Variants in GLIS3 observed in about 807,000 individuals in gnomAD.
GLIS3 encodes GLIS family zinc finger 3.
A neutral mutation model predicts 78.6 loss-of-function variants in GLIS3; 53 were observed. The observed-to-expected ratio is 0.67, with a 90% CI of 0.54 to 0.85. The LOEUF is 0.85. Ranked by LOEUF, GLIS3 falls within the 40% of genes least tolerant of loss-of-function variation. The pLI is 0.00. For missense variants in GLIS3, 1,703 were observed against 1,231.1 expected, an observed-to-expected ratio of 1.38 and a Z score of -5.74; for synonymous variants, 684 against 509.9, an observed-to-expected ratio of 1.34 and a Z score of -4.60.
At chr9:4,080,650 T>C (rs1828477158) in intron 4 of GLIS3, among the ~76,000 whole-genome samples, 1 of 152,216 alleles carries the variant, frequency 6.6e-6, no homozygotes, top group Non-Finnish European at 1.5e-5. Flanking sequence ...TATTGAGCTT[T>C]TGGCACCCCC....
intron 4 of GLIS3, among the ~76,000 whole-genome samples, chr9:3,984,163 A>T (rs1301755175): frequency 6.6e-6 from 1 of 152,222 alleles, no homozygotes; most frequent in Non-Finnish European, 1.5e-5. Flanking sequence ...CTCCTAGGGC[A>T]CCACTTAGCA....
chr9:4,484,224 T>C, the GLIS3 span, among the ~76,000 whole-genome samples: 4 of 151,256 alleles, frequency 2.6e-5, no homozygotes, highest in African/African-American at 9.7e-5. Flanking sequence ...TAAGCCAAAC[T>C]AACTTTTTTT....
chr9:4,469,164 T>C, the GLIS3 span, among the ~76,000 whole-genome samples: 1 of 152,178 alleles, frequency 6.6e-6, no homozygotes, highest in Non-Finnish European at 1.5e-5. Context: ...GAAAGAGACT[T>C]AGACTCCTAC....
chr9:4,077,758 A>G (rs1828204536), intron 4 of GLIS3, among the ~76,000 whole-genome samples: 2 of 152,178 alleles, frequency 1.3e-5, no homozygotes, highest in Non-Finnish European at 2.9e-5. Context: ...GCGTCCCTCC[A>G]CTAAAGGTTC....
intron 2 of GLIS3, among the ~76,000 whole-genome samples, chr9:4,256,437 A>G (rs901071138): frequency 6.6e-6 from 1 of 152,226 alleles, no homozygotes; most frequent in African/African-American, 2.4e-5. Flanking sequence ...AAAGACATCT[A>G]ATTTTTCACC....
intron 9 of GLIS3, among the ~76,000 whole-genome samples, chr9:3,846,633 T>C (rs188112205): frequency 1.3e-5 from 2 of 152,212 alleles, no homozygotes; most frequent in Admixed American, 1.3e-4. Flanking sequence ...AAACTGAAAA[T>C]GTTTTCTTAA....
Position 4,230,740 on chromosome 9 carries a change from A to G in GLIS3, c.388+55298T>C, listed in dbSNP as rs547412446. Among the ~76,000 whole-genome samples the G allele has an allele frequency of 5.9e-5, 9 of 152,378 alleles. No individual in the cohort carries two copies. In the South Asian group the frequency reaches 1.9e-3, roughly 32 times the overall value. On this transcript the variant is annotated intron_variant, in intron 2 of 10. Coordinates refer to ENST00000381971, the MANE Select transcript of GLIS3 (RefSeq NM_001042413.2). Reference sequence around the variant, plus strand: ...AAAGCATCCGTCAAAGAGGGAGAATAAAAGAAATAGCATAAAAAGCAAATA... The same window carrying G: ...AAAGCATCCGTCAAAGAGGGAGAATGAAAGAAATAGCATAAAAAGCAAATA...
intron 4 of GLIS3, among the ~76,000 whole-genome samples, chr9:3,991,980 C>T (rs190642973): frequency 5.3e-5 from 8 of 152,214 alleles, no homozygotes; most frequent in South Asian, 2.1e-4. Flanking sequence ...ATGAGCCACC[C>T]TGCCCGGCCA....
intron 2 of GLIS3, among the ~76,000 whole-genome samples, chr9:4,170,065 C>G (rs951114191): frequency 2.0e-5 from 3 of 152,136 alleles, no homozygotes; most frequent in African/African-American, 7.2e-5. Flanking sequence ...GATATAGAAA[C>G]TGCCTTAAAC....
At chr9:4,302,214 C>T (rs906893438), upstream of GLIS3, among the ~76,000 whole-genome samples, 2 of 152,128 alleles carry the variant, frequency 1.3e-5, no homozygotes, top group Non-Finnish European at 2.9e-5. Flanking sequence ...CTCTCCCTTA[C>T]CCATGAGCTC....
chr9:3,957,601 A>G (rs1169344536), intron 4 of GLIS3, among the ~76,000 whole-genome samples: 1 of 152,226 alleles, frequency 6.6e-6, no homozygotes, highest in Non-Finnish European at 1.5e-5. Context: ...ACTAGAGAAC[A>G]GTGATTTTAA....
chr9:4,097,322 A>C (rs1286085747), intron 4 of GLIS3, among the ~76,000 whole-genome samples: 1 of 152,040 alleles, frequency 6.6e-6, no homozygotes, highest in African/African-American at 2.4e-5. Context: ...TTGAGTGAAG[A>C]TCTATAACAT....
intron 3 of GLIS3, among the ~76,000 whole-genome samples, chr9:4,120,467 C>G (rs934601373): frequency 8.5e-5 from 13 of 152,192 alleles, no homozygotes; most frequent in African/African-American, 3.1e-4. Context: ...CTGGAACCAT[C>G]TAGTTTTTAA....
chr9:4,422,481 C>T, the GLIS3 span, among the ~76,000 whole-genome samples: 7 of 152,148 alleles, frequency 4.6e-5, no homozygotes, highest in African/African-American at 1.7e-4. Flanking sequence ...GTGGGCTACC[C>T]CCAGGAGTCT....
intron 2 of GLIS3, among the ~76,000 whole-genome samples, chr9:4,155,935 A>C (rs1835014170): frequency 6.6e-6 from 1 of 152,196 alleles, no homozygotes; most frequent in Non-Finnish European, 1.5e-5. Flanking sequence ...TTCCCACTAC[A>C]TGCTACTGCT....
intron 4 of GLIS3, chr9:4,034,981 C>G (rs924140664): frequency 3.3e-5 from 5 of 152,098 alleles, no homozygotes; most frequent in Non-Finnish European, 7.4e-5. Context: ...GCTATGTGTA[C>G]TATTATTGCT....
chr9:4,073,943 G>C (rs762803789), intron 4 of GLIS3, among the ~76,000 whole-genome samples: 1 of 152,186 alleles, frequency 6.6e-6, no homozygotes, highest in Non-Finnish European at 1.5e-5. Flanking sequence ...AGAGAAAAGA[G>C]TCACTGAAGA....
chr9:4,330,225 T>C (rs1587389293), intron 2 of GLIS3, among the ~76,000 whole-genome samples: 1 of 152,210 alleles, frequency 6.6e-6, no homozygotes, highest in Non-Finnish European at 1.5e-5. Context: ...GAAGCAGGGC[T>C]CCCAAGACAG....
At chr9:3,887,377 G>C (rs1822152363) in intron 7 of GLIS3, among the ~76,000 whole-genome samples, 3 of 152,192 alleles carry the variant, frequency 2.0e-5, no homozygotes, top group African/African-American at 7.2e-5. Context: ...AAACAAATGT[G>C]TTAGGGAGAT....
Sources: allele counts gnomAD v4.1 joint callset (sites outside exome capture counted in the v4.1 genomes callset), GRCh38; gene constraint gnomAD v4.1.1; transcripts MANE v1.5; gene names NCBI Gene and HGNC (gene_info 2026-07-23, HGNC 2026-07-21).